PCDH15: variants seen among roughly 807,000 people sequenced by gnomAD.
PCDH15 encodes protocadherin-15.
Under a neutral mutation model 178.5 loss-of-function variants are expected in PCDH15, and 129 were observed. The ratio of observed to expected loss-of-function variants is 0.72; its 90% confidence interval spans 0.63 to 0.84. The LOEUF (loss-of-function observed/expected upper bound fraction) is 0.84, where lower values mean the gene tolerates loss of function less well. Ranked by LOEUF, PCDH15 falls within the 40% of genes least tolerant of loss-of-function variation. The pLI is 0.00. For synonymous variants in PCDH15, 800 were observed against 732.0 expected, an observed-to-expected ratio of 1.09 and a Z score of -1.50; for missense variants, 2,230 against 2,099.9, an observed-to-expected ratio of 1.06 and a Z score of -1.21.
intron 2 of PCDH15, among the ~76,000 whole-genome samples, chr10:54,936,834 AC>A (rs1223815726): frequency 1.3e-5 from 2 of 151,554 alleles, no homozygotes; most frequent in Non-Finnish European, 3.0e-5. Flanking sequence ...TTTACCAAGC[AC>A]AAAATTTTTA....
intron 8 of PCDH15, among the ~76,000 whole-genome samples, chr10:54,259,095 T>A (rs976805298): frequency 4.0e-4 from 61 of 152,170 alleles, no homozygotes; most frequent in Non-Finnish European, 7.2e-4. Context: ...GATAGTGACC[T>A]AAATTACTTT....
chr10:54,257,698 G>C (rs953685486), intron 8 of PCDH15, among the ~76,000 whole-genome samples: 1 of 152,042 alleles, frequency 6.6e-6, no homozygotes, highest in Non-Finnish European at 1.5e-5. Context: ...TGTAGGATTG[G>C]AGGGTGTATG....
chr10:54,696,696 C>T (rs1357777448), intron 1 of PCDH15, among the ~76,000 whole-genome samples: 1 of 151,768 alleles, frequency 6.6e-6, no homozygotes, highest in Non-Finnish European at 1.5e-5. Flanking sequence ...AAAAAAACCG[C>T]CCTATTTTTG....
chr10:55,263,852 A>G (rs1842210055), intron 1 of PCDH15, among the ~76,000 whole-genome samples: 1 of 151,934 alleles, frequency 6.6e-6, no homozygotes, highest in Non-Finnish European at 1.5e-5. Flanking sequence ...CTCCTGCCTC[A>G]GCCTCCCAAG....
chr10:55,050,647 C>T (rs1386804584), intron 2 of PCDH15, among the ~76,000 whole-genome samples: 2 of 151,994 alleles, frequency 1.3e-5, no homozygotes, highest in African/African-American at 4.8e-5. Context: ...TTGGCATATC[C>T]TCTACATTGA....
chr10:54,271,314 G>T (rs1400132696), intron 8 of PCDH15, among the ~76,000 whole-genome samples: 3 of 152,038 alleles, frequency 2.0e-5, no homozygotes, highest in African/African-American at 7.2e-5. Flanking sequence ...GGGTTCAAGC[G>T]ATTCTCCTGC....
At position 54,655,300 on chromosome 10, in the gene PCDH15, G is replaced by GAGAGAGAGAGAC. The variant is rs1158121522; in HGVS notation, c.91+8871_91+8872insGTCTCTCTCTCT. Among the ~76,000 whole-genome samples, 78 of 111,362 alleles carry GAGAGAGAGAGAC rather than the reference G, an allele frequency of 7.0e-4. 1 individual carries two copies. The highest frequency in any genetic ancestry group is 3.5e-3 in the Admixed American group (39 of 11,142). The allele number at this position is 111,362 out of a possible 152,430, so 73.1% of individuals were successfully genotyped here. On this transcript the variant is annotated intron_variant, in intron 2 of 37. Transcript: ENST00000644397. Reference sequence around the variant, plus strand: ...AGAGAGAGAGAGAGAGAGAGAGAGAGAGACAGAGAGAGAGACAGAGAAAGA... The same window carrying GAGAGAGAGAGAC: ...AGAGAGAGAGAGAGAGAGAGAGAGAGAGAGAGAGAGACAGACAGAGAGAGAGACAGAGAAAGA...
intron 2 of PCDH15, among the ~76,000 whole-genome samples, chr10:54,913,251 G>A (rs1954847685): frequency 6.6e-6 from 1 of 152,156 alleles, no homozygotes; most frequent in African/African-American, 2.4e-5. Flanking sequence ...TGAGGTTTAA[G>A]AGAAAACCAT....
At chr10:54,598,052 T>C (rs1425496487) in intron 2 of PCDH15, among the ~76,000 whole-genome samples, 4 of 152,048 alleles carry the variant, frequency 2.6e-5, no homozygotes, top group Non-Finnish European at 4.4e-5. Context: ...TTCTACCAGA[T>C]GTACAAAGAA....
intron 1 of PCDH15, among the ~76,000 whole-genome samples, chr10:54,764,379 A>G (rs998861896): frequency 6.6e-6 from 1 of 152,120 alleles, no homozygotes; most frequent in South Asian, 2.1e-4. Context: ...TGTGACTCCT[A>G]TGAACCACTG....
intron 3 of PCDH15, among the ~76,000 whole-genome samples, chr10:54,885,082 C>G (rs1954331661): frequency 6.6e-6 from 1 of 151,938 alleles, no homozygotes; most frequent in Admixed American, 6.6e-5. Flanking sequence ...TTGTTTAACT[C>G]ACAGCTTTAT....
chr10:54,106,395 T>C (rs1352872244), intron 15 of PCDH15, among the ~76,000 whole-genome samples: 1 of 152,174 alleles, frequency 6.6e-6, no homozygotes, highest in Non-Finnish European at 1.5e-5. Context: ...CTGGAGCTAA[T>C]GAGCTTCTTG....
intron 3 of PCDH15, among the ~76,000 whole-genome samples, chr10:54,510,395 T>C (rs1412906418): frequency 1.3e-5 from 2 of 152,288 alleles, no homozygotes; most frequent in African/African-American, 4.8e-5. Context: ...CTGAAGAAGA[T>C]TTATGTGATT....
Position 55,602,226 on chromosome 10 carries a change from C to G in PCDH15, c.-156+25399G>C, listed in dbSNP as rs79441661. On this transcript the variant is annotated intron_variant, in intron 2 of 5. Transcript: ENST00000613346. ...ACGAGATTATACCCCGCACCTGGCT[C>G]GGAGGGTCCTACGCCCACGGAGTAT... 4.6e-5 allele frequency among the ~76,000 whole-genome samples: 7 copies of G among 152,308 alleles called. No individual in the cohort carries two copies. In the East Asian group the frequency reaches 1.4e-3, roughly 29 times the overall value.
At chr10:54,833,855 G>A (rs1191064337) in intron 3 of PCDH15, among the ~76,000 whole-genome samples, 1 of 152,102 alleles carries the variant, frequency 6.6e-6, no homozygotes, top group African/African-American at 2.4e-5. Flanking sequence ...TTTTATGTTG[G>A]GGCTTTCCTC....
At chr10:54,857,146 C>T (rs75958170) in intron 3 of PCDH15, among the ~76,000 whole-genome samples, 66 of 152,246 alleles carry the variant, frequency 4.3e-4, no homozygotes, top group African/African-American at 1.5e-3. Flanking sequence ...ATTGAATTCA[C>T]CTCTGCATCT....
rs532743302 is a variant in PCDH15 at position 53,988,175 on chromosome 10, C to T, written c.2868+7474G>A. On this transcript the variant is annotated intron_variant, in intron 21 of 37. Coordinates refer to ENST00000644397, the MANE Select transcript of PCDH15 (RefSeq NM_001384140.1). ...TACCTATCATCTAGGGTCCTTCTCA[C>T]GGAGTTGCTGATCTGTGTGAAGGCA... Among the ~76,000 whole-genome samples, 193 of 152,264 alleles carry T rather than the reference C, an allele frequency of 1.3e-3. 1 individual carries two copies. The highest frequency in any genetic ancestry group is 8.1e-4 in the Non-Finnish European group (55 of 68,016).
chr10:55,267,241 T>C (rs1329568321), intron 1 of PCDH15, among the ~76,000 whole-genome samples: 1 of 152,190 alleles, frequency 6.6e-6, no homozygotes, highest in Non-Finnish European at 1.5e-5. Flanking sequence ...TATATCTACT[T>C]TTCTCTGTTT....
At chr10:54,970,182 C>A (rs1381000877) in intron 2 of PCDH15, among the ~76,000 whole-genome samples, 1 of 152,132 alleles carries the variant, frequency 6.6e-6, no homozygotes, top group African/African-American at 2.4e-5. Context: ...ACTGAACCTG[C>A]TAGTACCTTT....
Sources: allele counts gnomAD v4.1 joint callset (sites outside exome capture counted in the v4.1 genomes callset), GRCh38; gene constraint gnomAD v4.1.1; transcripts MANE v1.5; gene names NCBI Gene and HGNC (gene_info 2026-07-23, HGNC 2026-07-21).